Variants in CHGB observed in about 807,000 individuals in gnomAD.
CHGB encodes the protein secretogranin-1.
CHGB carries 46 observed loss-of-function variants against 69.9 expected under a neutral mutation model. That is an observed-to-expected ratio of 0.66 (90% CI 0.52 to 0.84). The LOEUF is 0.84. Among genes scored for constraint, CHGB ranks in the 40% least tolerant of loss-of-function variants. The pLI is 0.00. For synonymous variants in CHGB, 312 were observed against 298.2 expected (o/e 1.05, Z -0.48); for missense variants, 796 against 822.2 (o/e 0.97, Z 0.39).
chr20:5,923,286 G>C lies in CHGB; in HGVS notation c.1142G>C (p.Trp381Ser). 1 of 1,613,526 alleles carries C rather than the reference G, an allele frequency of 6.2e-7. No homozygotes were observed. Among genetic ancestry groups the C allele is most frequent in the Non-Finnish European group, 8.5e-7 (1 of 1,179,988 alleles). The change falls in exon 4 of 5, where the codon TGG becomes TCG. Residue 381 changes from tryptophan to serine, a missense_variant. Trp to Ser is a radical substitution (Grantham distance 177, BLOSUM62 -3). Around this residue, in one of 3 missense-constraint regions of CHGB, gnomAD observed 518 missense variants for 506.3 expected, o/e 1.02. Coordinates refer to ENST00000378961, the MANE Select transcript of CHGB (RefSeq NM_001819.3). ...CCAAGACCTCAGAGTGAGGAGAGTTGGGATGAGGAGGACAAGAGAAACTAC... is the reference window on the plus strand; with the variant it reads ...CCAAGACCTCAGAGTGAGGAGAGTTCGGATGAGGAGGACAAGAGAAACTAC... The part of the protein sequence containing the change: ...RAPRPQSEES[W>S]DEEDKRNYPS...
intron 4 of CHGB, 55 bp from the exon 5 acceptor site, chr20:5,924,917 A>AC: frequency 9.1e-7 from 1 of 1,095,048 alleles, no homozygotes; most frequent in East Asian, 2.4e-5. Flanking sequence ...CCATCAAACT[A>AC]CAGCAAAAGA....
chr20:5,920,033 G>A lies in CHGB; in HGVS notation c.191-2302G>A, dbSNP rs2088504301. ...TACAGCATGACAGATGCATTTCCCT[G>A]TTTTCGCTTGAAAGTAAGTGTGAGC... On this transcript the variant is annotated intron_variant, in intron 3 of 4. Transcript: ENST00000378961. Among the ~76,000 whole-genome samples the A allele has an allele frequency of 2.6e-5, 4 of 152,236 alleles. No homozygotes were observed. The South Asian group carries it at 8.3e-4, about 32-fold the overall frequency.
intron 1 of CHGB, among the ~76,000 whole-genome samples, chr20:5,913,039 A>G (rs919205089): frequency 3.3e-5 from 5 of 152,248 alleles, no homozygotes; most frequent in Non-Finnish European, 5.9e-5. Context: ...TCAGAAAAGA[A>G]TTGCTTTGCT....
intron 3 of CHGB, 58 bp downstream of exon 3, chr20:5,916,977 C>T (rs2088479467): frequency 9.7e-6 from 14 of 1,438,882 alleles, no homozygotes; most frequent in Non-Finnish European, 1.4e-5. Context: ...TGTTCCTACT[C>T]CCTCCACATC....
At chr20:5,912,771 T>C (rs1033705877) in intron 1 of CHGB, among the ~76,000 whole-genome samples, 4 of 152,262 alleles carry the variant, frequency 2.6e-5, no homozygotes, top group Admixed American at 1.3e-4. Context: ...TTTAGAAAAT[T>C]GTCCATATCT....
At position 5,918,797 on chromosome 20, in the gene CHGB, G is replaced by A. The variant is rs1378934773; in HGVS notation, c.190+1878G>A. On this transcript the variant is annotated intron_variant, in intron 3 of 4. Transcript: ENST00000378961. ...ACGGCATTCCAGCCTCAGTGACAGAGCGAGTCTCTGTCTAAAAAAAAAAAA... is the reference window on the plus strand; with the variant it reads ...ACGGCATTCCAGCCTCAGTGACAGAACGAGTCTCTGTCTAAAAAAAAAAAA... Among the ~76,000 whole-genome samples the A allele has an allele frequency of 9.3e-5, 10 of 107,698 alleles. 1 individual carries two copies. In the Admixed American group the frequency reaches 1.2e-3, roughly 13 times the overall value. The allele number at this position is 107,698 out of a possible 152,430, so 70.7% of individuals were successfully genotyped here. A position where few individuals can be genotyped will look rare whatever the true frequency, so the allele number is the denominator to read the frequency against.
Position 5,911,514 on chromosome 20 carries a change from C to A in CHGB, c.-120C>A. 9.1e-7 allele frequency: 1 copy of A among 1,103,064 alleles called. No individual in the cohort carries two copies. The highest frequency in any genetic ancestry group is 1.3e-6 in the Non-Finnish European group (1 of 780,338). The allele number at this position is 1,103,064 out of a possible 1,614,324, so 68.3% of individuals were successfully genotyped here. On this transcript the variant is annotated 5_prime_UTR_variant, in exon 1 of 5. Transcript: ENST00000378961. ...GGGGCCTGCGCCGGCCGCGCCACAC[C>A]GCGGGGACCAGGAGGCACGCTGGTT...
Position 5,923,661 on chromosome 20 carries a change from A to G in CHGB, c.1517A>G (p.Tyr506Cys), listed in dbSNP as rs2122578532. 1 of 1,614,146 alleles carries G rather than the reference A, an allele frequency of 6.2e-7. No homozygotes were observed. Among genetic ancestry groups the G allele is most frequent in the Middle Eastern group, 1.6e-4 (1 of 6,062 alleles). Residue 506 changes from tyrosine to cysteine, a missense_variant, in exon 4 of 5, where the codon TAT becomes TGT. Around this residue, in one of 3 missense-constraint regions of CHGB, gnomAD observed 274 missense variants for 298.9 expected, o/e 0.92. Transcript: ENST00000378961. ...REEARFQDKQYSSHHTAEKRK... is the reference protein window; with the variant it reads ...REEARFQDKQCSSHHTAEKRK... ...GAAGCTAGGTTTCAAGATAAACAAT[A>G]TAGCTCCCATCACACAGCTGAAAAG...
chr20:5,915,632 A>T (rs770253545), intron 1 of CHGB: 1 of 152,224 alleles, frequency 6.6e-6, no homozygotes, highest in Non-Finnish European at 1.5e-5. Flanking sequence ...GGAAACAGAG[A>T]TACGGAGAGA....
At chr20:5,919,388 C>T (rs973997454) in intron 3 of CHGB, among the ~76,000 whole-genome samples, 2 of 152,178 alleles carry the variant, frequency 1.3e-5, no homozygotes, top group Non-Finnish European at 1.5e-5. Flanking sequence ...GGTTTAAGAG[C>T]TCTTCTGTGG....
chr20:5,922,842 A>G lies in CHGB; in HGVS notation c.698A>G (p.Glu233Gly). 6.2e-7 allele frequency: 1 copy of G among 1,614,100 alleles called. No homozygotes were observed. Among genetic ancestry groups the G allele is most frequent in the Non-Finnish European group, 8.5e-7 (1 of 1,180,006 alleles). ...TCTCAGGAGAAGACACATAGCCGAG[A>G]GAAGAGTAGCCAGGAGAGTGGAGAG... is the stretch of plus-strand genomic sequence containing the variant. ...GHSQEKTHSR[E>G]KSSQESGEET... The change falls in exon 4 of 5, where the codon GAG (glutamate) becomes GGG (glycine). Residue 233 changes from glutamate to glycine, a missense_variant. Physicochemically the swap from Glu to Gly is moderately conservative, Grantham distance 98. This residue lies in a region of CHGB where 518 missense variants were observed against 506.3 expected (regional missense o/e 1.02). Transcript: ENST00000378961.
At chr20:5,914,284 C>T (rs577981095) in intron 1 of CHGB, among the ~76,000 whole-genome samples, 3 of 152,190 alleles carry the variant, frequency 2.0e-5, no homozygotes, top group South Asian at 4.1e-4. Flanking sequence ...ACCTAGATGT[C>T]TCACCAAGAT....
At position 5,922,863 on chromosome 20, in the gene CHGB, G is replaced by A. The variant is rs1167191720; in HGVS notation, c.719G>A (p.Gly240Glu). Reference protein sequence around the residue: ...HSREKSSQESGEETGSQENHP... With the variant: ...HSREKSSQESEEETGSQENHP... ...CGAGAGAAGAGTAGCCAGGAGAGTG[G>A]AGAGGAGACAGGGAGCCAGGAGAAT... Residue 240 changes from glycine to glutamate, a missense_variant, in exon 4 of 5, where the codon GGA becomes GAA. Transcript: ENST00000378961. 1 of 1,614,006 alleles carries A rather than the reference G, an allele frequency of 6.2e-7. No individual in the cohort carries two copies. The highest frequency in any genetic ancestry group is 8.5e-7 in the Non-Finnish European group (1 of 1,179,944).
rs2122575987 is a variant in CHGB at position 5,922,369 on chromosome 20, A to G, written c.225A>G (p.Glu75=). ...ACGTCAAAGACAAAGAGACAACTGA[A>G]AATGAAAACACAAAGTTTGAAGTAA... ...RKDVKDKETT[E]NENTKFEVRL... is the part of the protein sequence containing the mutation. The change falls in exon 4 of 5, where the codon GAA becomes GAG. Residue 75 remains glutamate, a synonymous_variant. Coordinates refer to ENST00000378961, the MANE Select transcript of CHGB (RefSeq NM_001819.3). 6.4e-7 allele frequency: 1 copy of G among 1,566,558 alleles called. No individual in the cohort carries two copies. Among genetic ancestry groups the G allele is most frequent in the Middle Eastern group, 1.7e-4 (1 of 5,830 alleles).
intron 4 of CHGB, 92 bp from the exon 5 acceptor site, chr20:5,924,880 C>A (rs1262634151): frequency 2.8e-6 from 2 of 710,262 alleles, no homozygotes; most frequent in South Asian, 3.3e-5. Context: ...TTCTAACATG[C>A]CTAAAATTCC....
chr20:5,911,751 C>T, intron 1 of CHGB, 69 bp downstream of exon 1: 1 of 1,322,980 alleles, frequency 7.6e-7, no homozygotes, highest in East Asian at 3.1e-5. Context: ...GCCGCTCCCG[C>T]AGCCAGGCTG....
At chr20:5,920,359 C>CT (rs1194076325) in intron 3 of CHGB, among the ~76,000 whole-genome samples, 1 of 152,184 alleles carries the variant, frequency 6.6e-6, no homozygotes, top group Non-Finnish European at 1.5e-5. Flanking sequence ...ATCTGTCTGT[C>CT]TTAGTCAGCT....
In CHGB at chr20:5,922,588, C is replaced by G; in HGVS notation, c.444C>G (p.Val148=). The G allele has an allele frequency of 6.2e-7, 1 of 1,613,910 alleles. No homozygotes were observed. Among genetic ancestry groups the G allele is most frequent in the Non-Finnish European group, 8.5e-7 (1 of 1,179,968 alleles). ...QWSLYPSDSQ[V]SEEVKTRHSE... ...GCCTCTATCCCTCCGACAGCCAAGT[C>G]TCTGAAGAAGTGAAGACACGCCATT... Residue 148 remains valine, a synonymous_variant, in exon 4 of 5, where the codon GTC becomes GTG. Coordinates refer to ENST00000378961, the MANE Select transcript of CHGB (RefSeq NM_001819.3).
At chr20:5,920,434 T>TA (rs142258198) in intron 3 of CHGB, among the ~76,000 whole-genome samples, 5,790 of 152,308 alleles carry the variant, frequency 0.038, 157 homozygotes, top group Middle Eastern at 0.12. Flanking sequence ...TTTTCACAGT[T>TA]ACAGCAGTCG....
Sources: allele counts gnomAD v4.1 joint callset (sites outside exome capture counted in the v4.1 genomes callset), GRCh38; gene constraint gnomAD v4.1.1; regional missense constraint gnomAD v4.1.1; transcripts MANE v1.5; gene names NCBI Gene and HGNC (gene_info 2026-07-23, HGNC 2026-07-21).